Variants in C2CD3 observed in about 807,000 individuals in gnomAD.
C2CD3 encodes C2 domain containing 3 centriole elongation regulator.
In C2CD3, 148 loss-of-function variants were observed where a neutral mutation model predicts 234.0. The ratio of observed to expected loss-of-function variants is 0.63; its 90% CI spans 0.55 to 0.72. The LOEUF (loss-of-function observed/expected upper bound fraction) is 0.72, where lower values mean the gene tolerates loss of function less well. Ranked by LOEUF, C2CD3 falls within the 30% of genes least tolerant of loss-of-function variation. The pLI, the probability that C2CD3 is intolerant of heterozygous loss-of-function variation, is 0.00. For synonymous variants in C2CD3, 1,000 were observed against 1,035.4 expected, an observed-to-expected ratio of 0.97 and a Z score of 0.66; for missense variants, 2,577 against 2,811.5, an observed-to-expected ratio of 0.92 and a Z score of 1.89.
chr11:74,123,133 G>A lies in C2CD3; in HGVS notation c.1220C>T (p.Ala407Val), dbSNP rs1263948422. Residue 407 changes from alanine to valine, a missense_variant and splice_region_variant, in exon 8 of 33, where the codon GCT becomes GTT. Physicochemically the swap from Ala to Val is moderately conservative, Grantham distance 64 (BLOSUM62 0). Coordinates refer to ENST00000334126, the MANE Select transcript of C2CD3 (RefSeq NM_001286577.2). ...CCAGAAATTGCCTTGGGATAATTCA[G>A]CACTGCAGAGATAAGAAAACAAAGC... ...TRAIQLLLGS[A>V]ELSQGNFWDG... The A allele has an allele frequency of 1.2e-6, 2 of 1,610,084 alleles. No homozygotes were observed. The highest frequency in any genetic ancestry group is 3.3e-5 in the Admixed American group (2 of 59,816).
chr11:74,066,060 T>C (rs559470144), intron 24 of C2CD3, among the ~76,000 whole-genome samples: 2 of 144,374 alleles, frequency 1.4e-5, no homozygotes, highest in Non-Finnish European at 3.0e-5. Context: ...ACTTAAAGTA[T>C]AATAAAAAAT....
chr11:74,015,075 C>T (rs894875080), intron 32 of C2CD3, among the ~76,000 whole-genome samples: 4 of 152,238 alleles, frequency 2.6e-5, no homozygotes, highest in African/African-American at 9.6e-5. Flanking sequence ...ACAGGAAGCA[C>T]CTGCACTGCA....
intron 24 of C2CD3, among the ~76,000 whole-genome samples, chr11:74,066,340 C>T (rs1462624352): frequency 1.4e-5 from 2 of 146,994 alleles, no homozygotes; most frequent in African/African-American, 5.1e-5. Flanking sequence ...ACCAACATGG[C>T]ACATGTATAC....
At chr11:74,130,893 T>C (rs1158448117) in intron 7 of C2CD3, among the ~76,000 whole-genome samples, 1 of 152,208 alleles carries the variant, frequency 6.6e-6, no homozygotes, top group Non-Finnish European at 1.5e-5. Flanking sequence ...GGGATTCTGA[T>C]ATTGTGTTGA....
At chr11:74,124,748 T>C (rs1363412914) in intron 7 of C2CD3, among the ~76,000 whole-genome samples, 2 of 152,240 alleles carry the variant, frequency 1.3e-5, no homozygotes, top group Admixed American at 6.5e-5. Context: ...TGTTCTTTTA[T>C]ATAACTGTAT....
chr11:74,027,080 T>C (rs1952332485), intron 32 of C2CD3, among the ~76,000 whole-genome samples: 1 of 152,104 alleles, frequency 6.6e-6, no homozygotes, highest in South Asian at 2.1e-4. Context: ...TCATAGCTTG[T>C]AGGTCAGTAT....
At chr11:74,050,889 G>A (rs1212564449) in intron 26 of C2CD3, among the ~76,000 whole-genome samples, 1 of 151,558 alleles carries the variant, frequency 6.6e-6, no homozygotes, top group Non-Finnish European at 1.5e-5. Context: ...AAGGAGCAGT[G>A]TGCCACAATA....
chr11:74,102,975 CT>C (rs1285563217), intron 14 of C2CD3, among the ~76,000 whole-genome samples, 155 bp downstream of exon 14: 24 of 152,324 alleles, frequency 1.6e-4, no homozygotes, highest in African/African-American at 2.4e-5. Flanking sequence ...GCCTTTCCCT[CT>C]TCCCATCCAA....
chr11:74,120,963 C>T (rs1957190402), intron 8 of C2CD3, among the ~76,000 whole-genome samples: 1 of 150,014 alleles, frequency 6.7e-6, no homozygotes, highest in African/African-American at 2.5e-5. Flanking sequence ...TTGAGACCAA[C>T]TTGGACAACA....
At chr11:74,023,010 G>A (rs1952150277) in intron 32 of C2CD3, among the ~76,000 whole-genome samples, 1 of 152,234 alleles carries the variant, frequency 6.6e-6, no homozygotes, top group African/African-American at 2.4e-5. Context: ...TTTGACAGAT[G>A]AGAAAGCAGA....
chr11:74,034,673 C>T (rs1231270275), intron 30 of C2CD3: 1 of 1,305,758 alleles, frequency 7.7e-7, no homozygotes, highest in Non-Finnish European at 1.1e-6. Context: ...TTAAAACTAC[C>T]TATTTTACTT....
intron 26 of C2CD3, among the ~76,000 whole-genome samples, chr11:74,053,860 G>A (rs1953818956): frequency 6.6e-6 from 1 of 152,220 alleles, no homozygotes; most frequent in African/African-American, 2.4e-5. Context: ...GCTCATGCCT[G>A]TAGTGTCAGC....
At chr11:74,146,747 C>CACACACACACACAT (rs58129019) in intron 3 of C2CD3, among the ~76,000 whole-genome samples, 5,728 of 143,988 alleles carry the variant, frequency 0.04, 185 homozygotes, top group Admixed American at 0.091. Flanking sequence ...CACACACACA[C>CACACACACACACAT]AATTAACATA....
chr11:74,029,410 A>G (rs1050913565), intron 31 of C2CD3, among the ~76,000 whole-genome samples: 1 of 152,260 alleles, frequency 6.6e-6, no homozygotes. Flanking sequence ...CCTGGGAGAC[A>G]GTAAGTACTC....
At chr11:74,129,006 C>T (rs1312763328) in intron 7 of C2CD3, 2 of 272,354 alleles carry the variant, frequency 7.3e-6, no homozygotes, top group Admixed American at 4.7e-5. Context: ...TTCCCCCTTT[C>T]CTATTCCACA....
At chr11:74,132,093 G>A (rs992639670) in intron 7 of C2CD3, among the ~76,000 whole-genome samples, 1 of 152,186 alleles carries the variant, frequency 6.6e-6, no homozygotes, top group Non-Finnish European at 1.5e-5. Flanking sequence ...GCTCATGCTT[G>A]TAATCCCAGC....
chr11:74,108,094 T>C (rs1031408479), intron 12 of C2CD3: 3 of 141,240 alleles, frequency 2.1e-5, no homozygotes, highest in African/African-American at 5.4e-5. Context: ...GAGCTTGCAG[T>C]GAGCTGAGAT....
At chr11:74,158,654 G>A (rs751857663) in intron 3 of C2CD3, among the ~76,000 whole-genome samples, 3 of 151,818 alleles carry the variant, frequency 2.0e-5, no homozygotes, top group Non-Finnish European at 4.4e-5. Context: ...CCCGGGAGGC[G>A]GAGGTTGTGG....
chr11:74,115,836 C>A (rs1956910121), intron 9 of C2CD3, among the ~76,000 whole-genome samples: 3 of 152,166 alleles, frequency 2.0e-5, no homozygotes, highest in Admixed American at 2.0e-4. Flanking sequence ...TTATAGCCAA[C>A]TGATCTTCAA....
Sources: allele counts gnomAD v4.1 joint callset (sites outside exome capture counted in the v4.1 genomes callset), GRCh38; gene constraint gnomAD v4.1.1; transcripts MANE v1.5; gene names NCBI Gene and HGNC (gene_info 2026-07-23, HGNC 2026-07-21).